Variants in SIM1 observed in about 807,000 individuals in gnomAD.
SIM1 encodes the protein SIM bHLH transcription factor 1.
SIM1 carries 18 observed loss-of-function variants against 78.2 expected under a neutral mutation model. That is an observed-to-expected ratio of 0.23 (90% confidence interval 0.16 to 0.34). The LOEUF is 0.34. Among genes scored for constraint, SIM1 ranks in the 10% least tolerant of loss-of-function variants. SIM1 has a pLI of 1.00. For missense variants in SIM1, 939 were observed against 975.1 expected (o/e 0.96, Z 0.49); for synonymous variants, 417 against 385.2 (o/e 1.08, Z -0.97).
rs13212275 is a variant in SIM1, at chr6:100,387,634, T to C, written c.*2727A>G. On this transcript the variant is annotated 3_prime_UTR_variant, in exon 12 of 12. Transcript: ENST00000369208. ...TGACATTCAGTAAATTTTAAAATGG[T>C]TATGTACTTAAAACTGGGTCAATCT... The C allele has an allele frequency of 6.6e-6, 1 of 152,120 alleles. No individual in the cohort carries two copies. The highest frequency in any genetic ancestry group is 2.4e-5 in the African/African-American group (1 of 41,456). 9.4% of individuals were successfully genotyped at this position (152,120 alleles called of 1,614,324 possible). A position where few individuals can be genotyped will look rare whatever the true frequency, so the allele number is the denominator to read the frequency against.
intron 2 of SIM1, among the ~76,000 whole-genome samples, chr6:100,457,419 G>T (rs3798486): frequency 0.022 from 3,402 of 152,248 alleles, 49 homozygotes; most frequent in East Asian, 0.043. Context: ...AGGCCACTGC[G>T]GTTCCTGAAC....
chr6:100,449,397 T>C lies in SIM1; in HGVS notation c.509A>G (p.Lys170Arg). The change falls in exon 6 of 12, where the codon AAG becomes AGG. Residue 170 changes from lysine (K) to arginine (R), a missense_variant. Physicochemically the swap from Lys to Arg is conservative, Grantham distance 26. Around this residue, in one of 5 missense-constraint regions of SIM1, gnomAD observed 187 missense variants for 191.6 expected, o/e 0.98. Transcript: ENST00000369208. Reference sequence around the variant, plus strand: ...GCCACAGGTGAGGCCGGCGTTACGCTTGGCCAAGACGCACTTCATCCTCAG... The same window carrying C: ...GCCACAGGTGAGGCCGGCGTTACGCCTGGCCAAGACGCACTTCATCCTCAG... The part of the protein sequence containing the change: ...FFLRMKCVLA[K>R]RNAGLTCGGY... 6.2e-7 allele frequency: 1 copy of C among 1,614,090 alleles called. No individual in the cohort carries two copies. Among genetic ancestry groups the C allele is most frequent in the Non-Finnish European group, 8.5e-7 (1 of 1,180,008 alleles).
chr6:100,396,611 A>G (rs1182610385), intron 10 of SIM1, among the ~76,000 whole-genome samples: 1 of 152,094 alleles, frequency 6.6e-6, no homozygotes, highest in African/African-American at 2.4e-5. Flanking sequence ...TTAGTCCAAG[A>G]CCTCACACTG....
In SIM1 at chr6:100,413,451, C is replaced by T. The variant is rs892973501; in HGVS notation, c.1167+7339G>A. Among the ~76,000 whole-genome samples the T allele has an allele frequency of 7.9e-5, 12 of 152,180 alleles. 1 individual carries two copies. Among genetic ancestry groups the T allele is most frequent in the African/African-American group, 2.9e-4 (12 of 41,448 alleles). On this transcript the variant is annotated intron_variant, in intron 10 of 11. Transcript: ENST00000369208. ...TGTTGGTAGGTCTAATTTCACCTTC[C>T]TCATTTATGCCACTTTTTCTCATTT...
At chr6:100,448,428 G>C in intron 7 of SIM1, 51 bp downstream of exon 7, 5 of 1,569,810 alleles carry the variant, frequency 3.2e-6, no homozygotes, top group Non-Finnish European at 4.4e-6. Context: ...CAGTCACTAA[G>C]CAGGGCCGCC....
chr6:100,454,136 C>T (rs1023928708), intron 2 of SIM1, among the ~76,000 whole-genome samples: 4 of 152,214 alleles, frequency 2.6e-5, no homozygotes, highest in Non-Finnish European at 4.4e-5. Flanking sequence ...CAACATTGCA[C>T]CCCACCGATA....
In SIM1 at chr6:100,453,776, A is replaced by G; in HGVS notation, c.244T>C (p.Ser82Pro). Residue 82 changes from serine to proline, a missense_variant, in exon 3 of 12, where the codon TCC (serine) becomes CCC (proline). Transcript: ENST00000369208. ...PLDNVGRELGSHLLQTLDGFI... is the reference protein window; with the variant it reads ...PLDNVGRELGPHLLQTLDGFI... ...TGCACCTGTACCTGGAGCAGATGGG[A>G]GCCCAGTTCTCGGCCAACGTTGTCC... The G allele has an allele frequency of 6.2e-7, 1 of 1,610,954 alleles. No homozygotes were observed. The highest frequency in any genetic ancestry group is 1.3e-5 in the African/African-American group (1 of 74,694).
In SIM1 at chr6:100,390,716, T is replaced by A. The variant is rs753988799; in HGVS notation, c.1946A>T (p.Asp649Val). The A allele has an allele frequency of 1.2e-6, 2 of 1,614,138 alleles. No homozygotes were observed. The highest frequency in any genetic ancestry group is 1.7e-6 in the Non-Finnish European group (2 of 1,180,026). ...CCGAGATAGTGCGGTGGGACTGTTG[T>A]CATAGTCATTTTCATGGGGGCTCAA... ...KMLSPHENDYDNSPTALSRIS... is the reference protein window; with the variant it reads ...KMLSPHENDYVNSPTALSRIS... Residue 649 changes from aspartate to valine, a missense_variant, in exon 12 of 12, where the codon GAC becomes GTC. Asp to Val is a radical substitution (Grantham distance 152, BLOSUM62 -3). Transcript: ENST00000369208.
At position 100,385,051 on chromosome 6, in the gene SIM1, C is replaced by T. The variant is rs909379774; in HGVS notation, c.*5310G>A. On this transcript the variant is annotated 3_prime_UTR_variant, in exon 12 of 12. Coordinates refer to ENST00000369208, the MANE Select transcript of SIM1 (RefSeq NM_005068.3). The stretch of plus-strand genomic sequence containing the variant: ...AACTATATTTTAAACCAAAAAATTC[C>T]TCACATAATAAATACATTTTATGCA... 1 of 151,942 alleles carries T rather than the reference C, an allele frequency of 6.6e-6. No individual in the cohort carries two copies. Among genetic ancestry groups the T allele is most frequent in the Non-Finnish European group, 1.5e-5 (1 of 67,944 alleles). 9.4% of individuals were successfully genotyped at this position (151,942 alleles called of 1,614,324 possible).
intron 2 of SIM1, among the ~76,000 whole-genome samples, chr6:100,456,939 G>A (rs1772680128): frequency 6.6e-6 from 1 of 152,138 alleles, no homozygotes; most frequent in Admixed American, 6.5e-5. Flanking sequence ...AAACCAATTA[G>A]TAACCAAATG....
At chr6:100,436,846 C>T (rs1192707277) in intron 9 of SIM1, among the ~76,000 whole-genome samples, 1 of 150,652 alleles carries the variant, frequency 6.6e-6, no homozygotes, top group East Asian at 2.0e-4. Flanking sequence ...TCAAGCAATT[C>T]CCCTGCCTCA....
Position 100,449,648 on chromosome 6 carries a change from C to G in SIM1, c.400G>C (p.Asp134His). Residue 134 changes from aspartate to histidine, a missense_variant, in exon 5 of 12, where the codon GAC becomes CAC. Physicochemically the swap from Asp to His is moderately conservative, Grantham distance 81. Transcript: ENST00000369208. ...IYEYIHPADH[D>H]EMTAVLTAHQ... ...GCGGTGAGCACCGCCGTCATCTCGT[C>G]GTGGTCTGCCGGGTGAATGTATTCA... 6.2e-7 allele frequency: 1 copy of G among 1,614,104 alleles called. No homozygotes were observed. Among genetic ancestry groups the G allele is most frequent in the Non-Finnish European group, 8.5e-7 (1 of 1,180,040 alleles).
At chr6:100,453,197 G>A (rs1772558774) in intron 3 of SIM1, among the ~76,000 whole-genome samples, 1 of 152,214 alleles carries the variant, frequency 6.6e-6, no homozygotes, top group Admixed American at 6.5e-5. Context: ...CTGGGGGTGT[G>A]TATGTGCTTA....
At chr6:100,444,708 A>C (rs983705541) in intron 9 of SIM1, among the ~76,000 whole-genome samples, 1 of 152,174 alleles carries the variant, frequency 6.6e-6, no homozygotes, top group African/African-American at 2.4e-5. Context: ...CAAGGTTGCT[A>C]AATAATTCAT....
intron 9 of SIM1, among the ~76,000 whole-genome samples, chr6:100,433,038 T>C (rs1285167558): frequency 1.3e-5 from 2 of 152,112 alleles, no homozygotes; most frequent in Non-Finnish European, 2.9e-5. Context: ...CTTCAAAACA[T>C]ATGCCAAATC....
intron 9 of SIM1, among the ~76,000 whole-genome samples, chr6:100,434,839 C>G (rs552787202): frequency 1.3e-5 from 2 of 152,112 alleles, no homozygotes; most frequent in African/African-American, 4.8e-5. Context: ...CATATTAGCA[C>G]GCTTTACTGA....
Position 100,386,822 on chromosome 6 carries a change from G to A in SIM1, c.*3539C>T, listed in dbSNP as rs1770522846. The A allele has an allele frequency of 6.6e-6, 1 of 152,018 alleles. No homozygotes were observed. The allele number at this position is 152,018 out of a possible 1,614,324, so 9.4% of individuals were successfully genotyped here. A position where few individuals can be genotyped will look rare whatever the true frequency, so the allele number is the denominator to read the frequency against. The stretch of plus-strand genomic sequence containing the variant: ...CCGTCTCATTTTGAATGTCACCTCA[G>A]CACTGTCATATTATCTTTTATCAGG... On this transcript the variant is annotated 3_prime_UTR_variant, in exon 12 of 12. Coordinates refer to ENST00000369208, the MANE Select transcript of SIM1 (RefSeq NM_005068.3).
At chr6:100,402,471 C>T (rs756485630) in intron 10 of SIM1, among the ~76,000 whole-genome samples, 4 of 150,024 alleles carry the variant, frequency 2.7e-5, no homozygotes, top group African/African-American at 7.4e-5. Context: ...TTAAGAGTGG[C>T]GAGGAGGGAG....
chr6:100,464,199 A>G (rs899940139), intron 1 of SIM1, among the ~76,000 whole-genome samples: 1 of 152,178 alleles, frequency 6.6e-6, no homozygotes, highest in Non-Finnish European at 1.5e-5. Context: ...GAAGACCCGC[A>G]AGGGATCTTC....
Sources: gnomAD v4.1 joint callset for allele counts (sites outside exome capture counted in the v4.1 genomes callset) on GRCh38, gnomAD v4.1.1 for gene constraint, gnomAD v4.1.1 regional missense constraint, MANE v1.5 for transcripts, NCBI Gene and HGNC (gene_info 2026-07-23, HGNC 2026-07-21) for gene names.